Variants in SORCS2 observed in about 807,000 individuals in gnomAD.
The protein encoded by SORCS2 is sortilin related VPS10 domain containing receptor 2, also known as VPS10 domain-containing receptor SorCS2.
Under a neutral mutation model 141.6 loss-of-function variants are expected in SORCS2, and 100 were observed. That is an observed-to-expected ratio of 0.71 (90% CI 0.60 to 0.83). SORCS2 has a LOEUF of 0.83. SORCS2 is among the 40% of genes least tolerant of loss of function. The probability of loss-of-function intolerance (pLI) is 0.00; values close to 1 mark genes in which losing one functional copy is unlikely to be tolerated. For synonymous variants in SORCS2, 789 were observed against 676.9 expected, an observed-to-expected ratio of 1.17 and a Z score of -2.57; for missense variants, 1,646 against 1,560.2, an observed-to-expected ratio of 1.05 and a Z score of -0.93.
At position 7,434,159 on chromosome 4, in the gene SORCS2, G is replaced by A. The variant is rs187179620; in HGVS notation, c.548+37804G>A. 159 of 1,613,940 alleles carry A rather than the reference G, an allele frequency of 9.9e-5. No individual in the cohort carries two copies. The African/African-American group carries it at 1.9e-3, about 20-fold the overall frequency. Reference sequence around the variant, plus strand: ...CTGCAGAGCTCCTGCGGGGGGAGAAGCCTCAGTGCTTGGTCAGCAGGGACA... The same window carrying A: ...CTGCAGAGCTCCTGCGGGGGGAGAAACCTCAGTGCTTGGTCAGCAGGGACA... On this transcript the variant is annotated intron_variant, in intron 2 of 26. Coordinates refer to ENST00000507866, the MANE Select transcript of SORCS2 (RefSeq NM_020777.3).
intron 1 of SORCS2, among the ~76,000 whole-genome samples, chr4:7,282,005 T>C (rs1715917152): frequency 6.6e-6 from 1 of 152,240 alleles, no homozygotes; most frequent in Non-Finnish European, 1.5e-5. Context: ...CCCTCGCCAC[T>C]CTGCCTCGTG....
Position 7,712,751 on chromosome 4 carries a change from C to T in SORCS2, c.1887C>T (p.Ser629=), listed in dbSNP as rs1463356339. ...TLVMTVFGHI[S]FRSDWELVKV... is the part of the protein sequence containing the mutation. ...ACCCCAGGGTCTTTGGCCACATCAG[C>T]TTCCGCTCCGATTGGGAGCTGGTCA... Residue 629 remains serine, a synonymous_variant, in exon 15 of 27, where the codon AGC becomes AGT. Transcript: ENST00000507866. 2 of 1,613,926 alleles carry T rather than the reference C, an allele frequency of 1.2e-6. No homozygotes were observed. The highest frequency in any genetic ancestry group is 1.7e-6 in the Non-Finnish European group (2 of 1,179,892).
chr4:7,426,568 T>C (rs999682911), intron 2 of SORCS2, among the ~76,000 whole-genome samples: 1 of 152,184 alleles, frequency 6.6e-6, no homozygotes, highest in Non-Finnish European at 1.5e-5. Context: ...ATTCTCCCTC[T>C]GTAGGAAGCT....
Position 7,478,955 on chromosome 4 carries a change from G to T in SORCS2, c.549-52575G>T, listed in dbSNP as rs527333255. On this transcript the variant is annotated intron_variant, in intron 2 of 26. Coordinates refer to ENST00000507866, the MANE Select transcript of SORCS2 (RefSeq NM_020777.3). ...TTCTCCTCTCCTGACGGGCTCTCCT[G>T]ATAGCTTTGTGTCACCTAATAAAAA... Among the ~76,000 whole-genome samples the T allele has an allele frequency of 2.0e-5, 3 of 152,314 alleles. No homozygotes were observed. The East Asian group carries it at 5.8e-4, about 29-fold the overall frequency.
At chr4:7,202,524 C>T (rs1727534654) in intron 1 of SORCS2, among the ~76,000 whole-genome samples, 1 of 152,212 alleles carries the variant, frequency 6.6e-6, no homozygotes, top group African/African-American at 2.4e-5. Context: ...ACAGCACTCT[C>T]CTTCCTTAGT....
intron 1 of SORCS2, among the ~76,000 whole-genome samples, chr4:7,258,994 G>T (rs145211858): frequency 0.12 from 18,081 of 152,078 alleles, 1,181 homozygotes; most frequent in East Asian, 0.2. Flanking sequence ...TCTTATAAAT[G>T]TGTTTAAGTT....
intron 2 of SORCS2, among the ~76,000 whole-genome samples, chr4:7,401,764 T>C (rs1288112737): frequency 6.6e-6 from 1 of 152,136 alleles, no homozygotes; most frequent in Non-Finnish European, 1.5e-5. Flanking sequence ...GCATTTGACC[T>C]CAAGCAGGAC....
chr4:7,512,077 A>C (rs1732689999), intron 2 of SORCS2, among the ~76,000 whole-genome samples: 1 of 152,152 alleles, frequency 6.6e-6, no homozygotes, highest in East Asian at 1.9e-4. Context: ...GTTGAGTCAC[A>C]TTCTGGAATC....
chr4:7,496,829 C>T (rs564709718), intron 2 of SORCS2, among the ~76,000 whole-genome samples: 6 of 152,254 alleles, frequency 3.9e-5, no homozygotes, highest in African/African-American at 1.4e-4. Flanking sequence ...TGGTGAGCGG[C>T]TGGGGAAGGC....
intron 2 of SORCS2, among the ~76,000 whole-genome samples, chr4:7,500,978 G>C (rs56063650): frequency 0.22 from 33,481 of 152,244 alleles, 4,355 homozygotes; most frequent in Middle Eastern, 0.35. Flanking sequence ...GCTCAAGCCA[G>C]CGTGGATCCA....
intron 1 of SORCS2, among the ~76,000 whole-genome samples, chr4:7,298,270 C>G (rs933642763): frequency 2.0e-5 from 3 of 152,148 alleles, no homozygotes; most frequent in African/African-American, 7.2e-5. Flanking sequence ...GGGCTCTGCA[C>G]ATATGAGGGC....
intron 11 of SORCS2, among the ~76,000 whole-genome samples, chr4:7,696,611 C>A (rs895841320): frequency 4.6e-5 from 7 of 152,208 alleles, no homozygotes; most frequent in East Asian, 1.9e-4. Flanking sequence ...GAGATGGACC[C>A]AATCAGCCCA....
intron 3 of SORCS2, among the ~76,000 whole-genome samples, chr4:7,620,853 G>A (rs549893430): frequency 6.6e-6 from 1 of 152,316 alleles, no homozygotes; most frequent in African/African-American, 2.4e-5. Context: ...TCTCCGACCT[G>A]GACGGGAGGG....
intron 11 of SORCS2, among the ~76,000 whole-genome samples, chr4:7,695,666 GGATGGATGGATGGA>G (rs1481073442): frequency 0.022 from 1,736 of 77,452 alleles, 735 homozygotes; most frequent in Non-Finnish European, 0.031. Context: ...ATGGATGGAT[GGATGGATGGATGGA>G]TGGATGGGTG....
chr4:7,633,785 C>CACTTTGGGAGGCCAAGG (rs146399499), intron 3 of SORCS2, among the ~76,000 whole-genome samples: 5 of 124,614 alleles, frequency 4.0e-5, no homozygotes, highest in South Asian at 2.8e-4. Context: ...TGCATGCGCT[C>CACTTTGGGAGGCCAAGG]CTTCATGTGT....
At chr4:7,637,724 A>AATGC (rs1480607697) in intron 3 of SORCS2, among the ~76,000 whole-genome samples, 2 of 151,768 alleles carry the variant, frequency 1.3e-5, no homozygotes, top group Non-Finnish European at 2.9e-5. Context: ...TGAATGAATG[A>AATGC]ATGCATGCAT....
At chr4:7,630,015 G>T (rs556348922) in intron 3 of SORCS2, among the ~76,000 whole-genome samples, 142 of 152,216 alleles carry the variant, frequency 9.3e-4, no homozygotes, top group African/African-American at 3.0e-3. Flanking sequence ...TCCTACCTCT[G>T]CCCAAGGCCA....
At chr4:7,493,551 C>A (rs1340495044) in intron 2 of SORCS2, among the ~76,000 whole-genome samples, 1 of 152,152 alleles carries the variant, frequency 6.6e-6, no homozygotes, top group Admixed American at 6.5e-5. Context: ...AAGCCACTGC[C>A]TTGGGCTTCA....
chr4:7,236,738 T>C (rs1027243821), intron 1 of SORCS2, among the ~76,000 whole-genome samples: 18 of 152,144 alleles, frequency 1.2e-4, no homozygotes, highest in African/African-American at 2.4e-5. Flanking sequence ...CGTGCCACCA[T>C]GCCTGGCTAA....
Sources: gnomAD v4.1 joint callset for allele counts (sites outside exome capture counted in the v4.1 genomes callset) on GRCh38, gnomAD v4.1.1 for gene constraint, MANE v1.5 for transcripts, NCBI Gene and HGNC (gene_info 2026-07-23, HGNC 2026-07-21) for gene names.